Variants in DPYD observed in about 807,000 individuals in gnomAD.
The protein encoded by DPYD is dihydropyrimidine dehydrogenase [NADP(+)].
Under a neutral mutation model 116.2 loss-of-function variants are expected in DPYD, and 109 were observed. The ratio of observed to expected loss-of-function variants is 0.94; its 90% CI spans 0.80 to 1.10. DPYD has a LOEUF of 1.10. DPYD is among the 50% of genes least tolerant of loss of function. The probability of loss-of-function intolerance (pLI) is 0.00; values close to 1 mark genes in which losing one functional copy is unlikely to be tolerated. For synonymous variants in DPYD, 440 were observed against 432.0 expected (o/e 1.02, Z -0.23); for missense variants, 1,302 against 1,254.5 (o/e 1.04, Z -0.57).
chr1:97,138,729 T>A (rs1653988336), intron 20 of DPYD, among the ~76,000 whole-genome samples: 2 of 152,180 alleles, frequency 1.3e-5, no homozygotes, highest in African/African-American at 2.4e-5. Context: ...GAAGAATTCA[T>A]GTTAGTCTAG....
chr1:97,498,873 A>T (rs1679418440), intron 13 of DPYD, among the ~76,000 whole-genome samples: 1 of 151,724 alleles, frequency 6.6e-6, no homozygotes, highest in Non-Finnish European at 1.5e-5. Flanking sequence ...ATTAAAATTT[A>T]ATAGAAAACA....
intron 13 of DPYD, among the ~76,000 whole-genome samples, chr1:97,508,482 C>T (rs1279665793): frequency 6.6e-6 from 1 of 151,932 alleles, no homozygotes; most frequent in African/African-American, 2.4e-5. Flanking sequence ...CTCTTGTATT[C>T]TCTCTGAAAT....
intron 8 of DPYD, among the ~76,000 whole-genome samples, chr1:97,668,703 G>A (rs1659699319): frequency 6.6e-6 from 1 of 151,976 alleles, no homozygotes; most frequent in East Asian, 1.9e-4. Context: ...CAAAAGAAGG[G>A]CTATTTTTTC....
At chr1:97,860,261 T>C (rs1449969853) in intron 2 of DPYD, among the ~76,000 whole-genome samples, 1 of 152,176 alleles carries the variant, frequency 6.6e-6, no homozygotes, top group Non-Finnish European at 1.5e-5. Context: ...GAGGATCACT[T>C]GAGCCCAAGA....
intron 8 of DPYD, among the ~76,000 whole-genome samples, chr1:97,678,210 T>C (rs1002164777): frequency 6.6e-6 from 1 of 152,152 alleles, no homozygotes; most frequent in African/African-American, 2.4e-5. Context: ...CAGTTCACAA[T>C]AGAGTTTGCA....
At chr1:97,167,256 C>G (rs1020101154) in intron 20 of DPYD, among the ~76,000 whole-genome samples, 20 of 152,154 alleles carry the variant, frequency 1.3e-4, no homozygotes, top group African/African-American at 4.3e-4. Flanking sequence ...GGAATAGCTA[C>G]CTCATATTCA....
intron 8 of DPYD, among the ~76,000 whole-genome samples, chr1:97,657,003 T>C (rs1325075922): frequency 1.3e-5 from 2 of 151,358 alleles, no homozygotes; most frequent in Non-Finnish European, 1.5e-5. Context: ...AGTTTCACTT[T>C]GTAGCCCAGG....
chr1:97,597,287 T>C (rs1461524509), intron 8 of DPYD, among the ~76,000 whole-genome samples: 1 of 152,198 alleles, frequency 6.6e-6, no homozygotes, highest in Non-Finnish European at 1.5e-5. Context: ...GCCCTCCTCC[T>C]CTACCTGGGT....
chr1:97,276,526 T>C (rs1664936385), intron 18 of DPYD, among the ~76,000 whole-genome samples: 1 of 151,930 alleles, frequency 6.6e-6, no homozygotes, highest in South Asian at 2.1e-4. Context: ...AAAGAAGACA[T>C]ACAAGTGGGC....
chr1:97,223,787 T>TAACA (rs1660934613), intron 19 of DPYD, among the ~76,000 whole-genome samples: 1 of 152,066 alleles, frequency 6.6e-6, no homozygotes, highest in African/African-American at 2.4e-5. Flanking sequence ...GATCTGGGAC[T>TAACA]AACAGTGAAA....
rs139770145 is a variant in DPYD at position 97,403,391 on chromosome 1, T to C, written c.1906-20930A>G. ...CTGTTCCTGAAAGATATTGAGAGAA[T>C]TGGTAGGAATTTTTCTTAAATGCTC... On this transcript the variant is annotated intron_variant, in intron 14 of 22. Coordinates refer to ENST00000370192, the MANE Select transcript of DPYD (RefSeq NM_000110.4). Among the ~76,000 whole-genome samples, 418 of 152,176 alleles carry C rather than the reference T, an allele frequency of 2.7e-3. 4 individuals carry two copies. The highest frequency in any genetic ancestry group is 9.8e-3 in the African/African-American group (408 of 41,572).
intron 18 of DPYD, among the ~76,000 whole-genome samples, chr1:97,292,519 T>A (rs1344455271): frequency 6.6e-6 from 1 of 152,142 alleles, no homozygotes; most frequent in Non-Finnish European, 1.5e-5. Flanking sequence ...TACCTGCCAT[T>A]GGGTCCCTCC....
intron 19 of DPYD, among the ~76,000 whole-genome samples, chr1:97,224,366 A>G (rs1324718988): frequency 6.6e-6 from 1 of 152,040 alleles, no homozygotes; most frequent in African/African-American, 2.4e-5. Context: ...TTCAGGATTC[A>G]TTGAAGCATT....
intron 3 of DPYD, among the ~76,000 whole-genome samples, chr1:97,801,818 C>G (rs1157485911): frequency 6.6e-6 from 1 of 151,626 alleles, no homozygotes; most frequent in East Asian, 1.9e-4. Context: ...TGTGCAGTAA[C>G]TATTCACTGC....
chr1:97,111,579 C>A (rs1651603616), intron 20 of DPYD, among the ~76,000 whole-genome samples: 1 of 151,964 alleles, frequency 6.6e-6, no homozygotes, highest in South Asian at 2.1e-4. Context: ...CTCAGAGAGG[C>A]ACTCTCGGAC....
chr1:97,251,366 T>C (rs1482112187), intron 18 of DPYD, among the ~76,000 whole-genome samples: 1 of 123,856 alleles, frequency 8.1e-6, no homozygotes, highest in Non-Finnish European at 1.6e-5. Context: ...CACTCCAGCC[T>C]GGCCAACAAG....
intron 14 of DPYD, among the ~76,000 whole-genome samples, chr1:97,403,657 C>T (rs889176042): frequency 6.6e-5 from 10 of 151,910 alleles, no homozygotes; most frequent in Admixed American, 2.0e-4. Flanking sequence ...GTGATGTCCA[C>T]CCTTTCATTT....
chr1:97,670,268 AC>A (rs1283790511), intron 8 of DPYD, among the ~76,000 whole-genome samples: 9 of 152,178 alleles, frequency 5.9e-5, no homozygotes, highest in Admixed American at 5.9e-4. Flanking sequence ...GTAAAACAAA[AC>A]AAAACATCAT....
At position 97,485,594 on chromosome 1, in the gene DPYD, T is replaced by C. The variant is rs528495911; in HGVS notation, c.1740+30132A>G. On this transcript the variant is annotated intron_variant, in intron 13 of 22. Transcript: ENST00000370192. ...TATCTCCTTTCTTCAGATCACTATT[T>C]TTCTCTTCAGCTATTTAATCAATTC... Among the ~76,000 whole-genome samples, 7 of 152,210 alleles carry C rather than the reference T, an allele frequency of 4.6e-5. No individual in the cohort carries two copies. In the South Asian group the frequency reaches 1.5e-3, roughly 32 times the overall value.
Sources: gnomAD v4.1 joint callset for allele counts (sites outside exome capture counted in the v4.1 genomes callset) on GRCh38, gnomAD v4.1.1 for gene constraint, MANE v1.5 for transcripts, NCBI Gene and HGNC (gene_info 2026-07-23, HGNC 2026-07-21) for gene names.